Variants in ADRA1B observed in about 807,000 individuals in gnomAD.
ADRA1B encodes the protein adrenoceptor alpha 1B.
ADRA1B carries 17 observed loss-of-function variants against 17.9 expected under a neutral mutation model. That is an observed-to-expected ratio of 0.95 (90% CI 0.65 to 1.42). ADRA1B has a LOEUF of 1.42. Among genes scored for constraint, ADRA1B ranks in the 40% most tolerant of loss-of-function variants. The pLI is 0.00. For synonymous variants in ADRA1B, 366 were observed against 327.6 expected (o/e 1.12, Z -1.27); for missense variants, 681 against 722.1 (o/e 0.94, Z 0.65).
At chr5:159,871,739 T>A (rs954377154) in intron 1 of ADRA1B, among the ~76,000 whole-genome samples, 2 of 152,178 alleles carry the variant, frequency 1.3e-5, no homozygotes, top group Non-Finnish European at 2.9e-5. Flanking sequence ...CTTTTGGAGA[T>A]CTGCTATTCA....
At chr5:159,985,902 G>A in the ADRA1B span, among the ~76,000 whole-genome samples, 1 of 152,192 alleles carries the variant, frequency 6.6e-6, no homozygotes, top group African/African-American at 2.4e-5. Context: ...GCAACTTTGG[G>A]AGGGCTGGGA....
chr5:159,909,696 T>C (rs1187767586), intron 1 of ADRA1B, among the ~76,000 whole-genome samples: 1 of 152,212 alleles, frequency 6.6e-6, no homozygotes, highest in Non-Finnish European at 1.5e-5. Flanking sequence ...ATTCACTACA[T>C]TCAGTTCAAG....
At chr5:159,969,826 T>C (rs1755836453) in intron 1 of ADRA1B, among the ~76,000 whole-genome samples, 1 of 152,200 alleles carries the variant, frequency 6.6e-6, no homozygotes, top group African/African-American at 2.4e-5. Context: ...CACACCAAAA[T>C]ATGGTATTTT....
intron 1 of ADRA1B, among the ~76,000 whole-genome samples, chr5:159,896,616 A>C (rs1754043816): frequency 6.6e-6 from 1 of 152,218 alleles, no homozygotes; most frequent in African/African-American, 2.4e-5. Context: ...ACGAAATATG[A>C]TGTGAAATGA....
Position 159,911,356 on chromosome 5 carries a change from G to A in ADRA1B, c.-255-4763G>A, listed in dbSNP as rs1057448391. The stretch of plus-strand genomic sequence containing the variant: ...CGAAGGCATAAGAGAGAATGGATCT[G>A]CTCTCTAGTTCAGAGACAGCAGGCC... On this transcript the variant is annotated intron_variant, in intron 1 of 2. Coordinates refer to the ADRA1B transcript ENST00000641205. Among the ~76,000 whole-genome samples, 25 of 152,198 alleles carry A rather than the reference G, an allele frequency of 1.6e-4. 1 individual carries two copies.
chr5:159,963,288 G>GTATATATATATATA lies in ADRA1B; in HGVS notation c.950-8583_950-8570dup, dbSNP rs10522262. On this transcript the variant is annotated intron_variant, in intron 1 of 1. Coordinates refer to ENST00000306675, the MANE Select transcript of ADRA1B (RefSeq NM_000679.4). ...ACTTGACAGTGAATAAACAAAAAAA[G>GTATATATATATATA]TATATATATATATATATATATCCAC... 5.8e-3 allele frequency among the ~76,000 whole-genome samples: 775 copies of GTATATATATATATA among 132,674 alleles called. 12 individuals are homozygous for GTATATATATATATA. The highest frequency in any genetic ancestry group is 0.014 in the African/African-American group (501 of 34,808). 87.0% of individuals were successfully genotyped at this position (132,674 alleles called of 152,430 possible). A position where few individuals can be genotyped will look rare whatever the true frequency, so the allele number is the denominator to read the frequency against.
At chr5:159,880,630 T>C (rs1753852359) in intron 1 of ADRA1B, among the ~76,000 whole-genome samples, 1 of 152,222 alleles carries the variant, frequency 6.6e-6, no homozygotes, top group African/African-American at 2.4e-5. Flanking sequence ...GGTTCCATCT[T>C]CAGACAGTGT....
At chr5:159,918,955 G>GCCT (rs879554125) in intron 1 of ADRA1B, among the ~76,000 whole-genome samples, 3,991 of 152,202 alleles carry the variant, frequency 0.026, 79 homozygotes, top group Non-Finnish European at 0.036. Flanking sequence ...CTGCTATACT[G>GCCT]CGGACCACAT....
chr5:159,870,363 A>G (rs781434767), intron 1 of ADRA1B: 8 of 152,236 alleles, frequency 5.3e-5, no homozygotes, highest in Admixed American at 4.6e-4. Flanking sequence ...CAAGACTCAC[A>G]CTGGCAGTGT....
At position 159,941,767 on chromosome 5, in the gene ADRA1B, G is replaced by C. The variant is rs572849078; in HGVS notation, c.949+23913G>C. Among the ~76,000 whole-genome samples the C allele has an allele frequency of 2.6e-5, 4 of 152,230 alleles. No individual in the cohort carries two copies. In the East Asian group the frequency reaches 7.7e-4, roughly 29 times the overall value. On this transcript the variant is annotated intron_variant, in intron 1 of 1. Transcript: ENST00000306675. ...CTTGAAACCGATACGCTAAGGGAAA[G>C]AAGCCAAACACAAAAGTTCACATTT... is the stretch of plus-strand genomic sequence containing the variant.
chr5:159,873,541 C>T (rs1282635567), intron 1 of ADRA1B, among the ~76,000 whole-genome samples: 1 of 152,232 alleles, frequency 6.6e-6, no homozygotes, highest in Non-Finnish European at 1.5e-5. Context: ...CACAGTTCAA[C>T]TTCTGCCTCT....
chr5:159,868,882 G>C (rs572884012), intron 1 of ADRA1B: 2 of 152,274 alleles, frequency 1.3e-5, no homozygotes, highest in African/African-American at 4.8e-5. Flanking sequence ...AGGTTCATGG[G>C]AGATCATAGG....
At chr5:159,951,989 A>G (rs904799911) in intron 1 of ADRA1B, among the ~76,000 whole-genome samples, 2 of 152,146 alleles carry the variant, frequency 1.3e-5, no homozygotes, top group Non-Finnish European at 2.9e-5. Flanking sequence ...GAGATGGCAA[A>G]AGGATGACTT....
chr5:159,873,420 A>C (rs151321236), intron 1 of ADRA1B, among the ~76,000 whole-genome samples: 31 of 152,330 alleles, frequency 2.0e-4, no homozygotes, highest in African/African-American at 7.2e-4. Context: ...TGGCAGCCTC[A>C]GCTGCAGAGA....
At chr5:159,941,915 G>C (rs1262266436) in intron 1 of ADRA1B, among the ~76,000 whole-genome samples, 1 of 138,948 alleles carries the variant, frequency 7.2e-6, no homozygotes, top group Non-Finnish European at 1.6e-5. Flanking sequence ...TGGGTACTGG[G>C]TTTCTTTTTT....
chr5:159,967,432 A>G (rs1407605513), intron 1 of ADRA1B, among the ~76,000 whole-genome samples: 2 of 152,234 alleles, frequency 1.3e-5, no homozygotes, highest in Non-Finnish European at 2.9e-5. Context: ...GGGTCAGGAT[A>G]TAAAGTATAT....
At chr5:159,893,411 G>A (rs1561584196) in intron 1 of ADRA1B, among the ~76,000 whole-genome samples, 1 of 152,238 alleles carries the variant, frequency 6.6e-6, no homozygotes, top group African/African-American at 2.4e-5. Context: ...GCTTAATAGG[G>A]ATGAATATGA....
chr5:159,905,118 C>G (rs1339392165), intron 1 of ADRA1B, among the ~76,000 whole-genome samples: 1 of 152,116 alleles, frequency 6.6e-6, no homozygotes, highest in Non-Finnish European at 1.5e-5. Flanking sequence ...AATTTGAGAA[C>G]AAAAGGTTAG....
chr5:159,974,897 A>T (rs1261182984), downstream of ADRA1B, among the ~76,000 whole-genome samples: 2 of 152,146 alleles, frequency 1.3e-5, no homozygotes, highest in African/African-American at 4.8e-5. Context: ...TGACTGGGTC[A>T]CACCAAAGCT....
Sources: allele counts gnomAD v4.1 joint callset (sites outside exome capture counted in the v4.1 genomes callset), GRCh38; gene constraint gnomAD v4.1.1; transcripts MANE v1.5; gene names NCBI Gene and HGNC (gene_info 2026-07-23, HGNC 2026-07-21).